Variants in APOC3 observed in about 807,000 individuals in gnomAD.
APOC3 encodes the protein apolipoprotein C-III.
APOC3 carries 6 observed loss-of-function variants against 7.3 expected under a neutral mutation model. That is an observed-to-expected ratio of 0.82 (90% CI 0.45 to 1.61). The LOEUF is 1.61. APOC3 is among the 40% of genes most tolerant of loss of function. The pLI is 0.01. For missense variants in APOC3, 123 were observed against 124.9 expected, an observed-to-expected ratio of 0.98 and a Z score of 0.07; for synonymous variants, 45 against 51.2, an observed-to-expected ratio of 0.88 and a Z score of 0.52.
rs1181681815 is a variant in APOC3 at position 116,831,211 on chromosome 11, T to TTC, written c.179+317_179+318dup. 4.6e-3 allele frequency: 592 copies of TTC among 129,620 alleles called. 15 individuals are homozygous for TTC. Among genetic ancestry groups the TTC allele is most frequent in the African/African-American group, 0.023 (557 of 24,354 alleles). The allele number at this position is 129,620 out of a possible 1,614,324, so 8.0% of individuals were successfully genotyped here. ...TCTATTTCTTTCTTTCTTTCTTTCT[T>TTC]TCTTTCTTTCTTTCTTTCTTTCTTT... On this transcript the variant is annotated intron_variant, in intron 3 of 3. Coordinates refer to ENST00000227667, the MANE Select transcript of APOC3 (RefSeq NM_000040.3).
chr11:116,830,422 T>C, intron 1 of APOC3, 148 bp from the exon 2 acceptor site: 2 of 807,206 alleles, frequency 2.5e-6, no homozygotes, highest in Non-Finnish European at 4.1e-6. Context: ...CAGTCCCCCT[T>C]CTGAGAGCCC....
At chr11:116,831,277 TTC>T (rs1941454759) in intron 3 of APOC3, among the ~76,000 whole-genome samples, 1 of 25,740 alleles carries the variant, frequency 3.9e-5, no homozygotes, top group Non-Finnish European at 1.1e-4. Flanking sequence ...TTTCCTTTCT[TTC>T]TTTCCTTTCT....
chr11:116,831,214 TTTCTTTCTTTCTTTCTTTCTTTC>T, intron 3 of APOC3: 1 of 155,818 alleles, frequency 6.4e-6, no homozygotes, highest in Non-Finnish European at 1.2e-5. Context: ...TCTTTCTTTC[TTTCTTTCTTTCTTTCTTTCTTTC>T]TTTCTTTCTT....
chr11:116,831,193 CTT>C (rs1565336374), intron 3 of APOC3: 4,580 of 28,540 alleles, frequency 0.16, 458 homozygotes, highest in African/African-American at 0.27. Context: ...CTTTCTATTT[CTT>C]TCTTTCTTTC....
chr11:116,832,683 TG>T, intron 3 of APOC3, 80 bp from the exon 4 acceptor site: 1 of 1,603,904 alleles, frequency 6.2e-7, no homozygotes, highest in East Asian at 2.2e-5. Context: ...TGTCGTCCAG[TG>T]GGGACATGGG....
chr11:116,831,684 G>T (rs556290847), intron 3 of APOC3, among the ~76,000 whole-genome samples: 1 of 152,168 alleles, frequency 6.6e-6, no homozygotes. Flanking sequence ...TTTTCTGAAG[G>T]TCTGGCTAGA....
At chr11:116,832,485 C>T (rs1941473146) in intron 3 of APOC3, among the ~76,000 whole-genome samples, 1 of 152,238 alleles carries the variant, frequency 6.6e-6, no homozygotes, top group Non-Finnish European at 1.5e-5. Context: ...TCTCCCCACC[C>T]TGTCACTTTG....
chr11:116,832,457 C>T (rs978680375), intron 3 of APOC3, among the ~76,000 whole-genome samples: 2 of 152,254 alleles, frequency 1.3e-5, no homozygotes, highest in Non-Finnish European at 2.9e-5. Context: ...AAAACAATGA[C>T]AGCCTTGACC....
intron 1 of APOC3, 36 bp from the exon 2 acceptor site, chr11:116,830,534 G>T (rs775599308): frequency 6.2e-7 from 1 of 1,611,784 alleles, no homozygotes; most frequent in Non-Finnish European, 8.5e-7. Flanking sequence ...GAGGCATGGG[G>T]ACCTGGGGTG....
At chr11:116,831,203 T>A (rs1428659328) in intron 3 of APOC3, 1 of 98,690 alleles carries the variant, frequency 1.0e-5, no homozygotes, top group African/African-American at 5.2e-5. Flanking sequence ...CTTTCTTTCT[T>A]TCTTTCTTTC....
Position 116,833,000 on chromosome 11 carries a change from T to C in APOC3, c.*116T>C, listed in dbSNP as rs1267319833. 2.1e-6 allele frequency: 3 copies of C among 1,434,516 alleles called. No individual in the cohort carries two copies. The African/African-American group carries it at 4.2e-5, about 20-fold the overall frequency. 88.9% of individuals were successfully genotyped at this position (1,434,516 alleles called of 1,614,324 possible). A position where few individuals can be genotyped will look rare whatever the true frequency, so the allele number is the denominator to read the frequency against. On this transcript the variant is annotated 3_prime_UTR_variant, in exon 4 of 4. Coordinates refer to ENST00000227667, the MANE Select transcript of APOC3 (RefSeq NM_000040.3). The stretch of plus-strand genomic sequence containing the variant: ...AGGGACAGTATTCTCAGTGCTCTCC[T>C]ACCCCACCTCATGCCTGGCCCCCCT...
At chr11:116,831,685 T>C (rs1941463127) in intron 3 of APOC3, among the ~76,000 whole-genome samples, 1 of 152,308 alleles carries the variant, frequency 6.6e-6, no homozygotes, top group East Asian at 1.9e-4. Context: ...TTTCTGAAGG[T>C]CTGGCTAGAG....
At chr11:116,830,014 C>T (rs1941428909) in intron 1 of APOC3, 74 bp downstream of exon 1, 1 of 171,958 alleles carries the variant, frequency 5.8e-6, no homozygotes, top group Non-Finnish European at 1.3e-5. Context: ...CTGCCCAGCC[C>T]AGCCAGCAAG....
chr11:116,831,008 G>C, intron 3 of APOC3, 112 bp downstream of exon 3: 1 of 1,320,150 alleles, frequency 7.6e-7, no homozygotes. Flanking sequence ...GCCTCCCCTG[G>C]GCCTGTGCCT....
chr11:116,831,307 TTCTC>T (rs1565336625), intron 3 of APOC3, among the ~76,000 whole-genome samples: 2 of 129,754 alleles, frequency 1.5e-5, no homozygotes, highest in African/African-American at 4.3e-5. Context: ...TTTCCTTTCT[TTCTC>T]TTTCTTTCTT....
At position 116,832,260 on chromosome 11, in the gene APOC3, TG is replaced by T. The variant is rs12721088; in HGVS notation, c.180-500del. ...CATTCTTAGTCCCCAGAACCGGCTT[TG>T]GGGTAGGTGTTATTTTCTCACTTTG... On this transcript the variant is annotated intron_variant, in intron 3 of 3. Coordinates refer to ENST00000227667, the MANE Select transcript of APOC3 (RefSeq NM_000040.3). Among the ~76,000 whole-genome samples, 1,482 of 152,252 alleles carry T rather than the reference TG, an allele frequency of 9.7e-3. 22 individuals carry two copies. The highest frequency in any genetic ancestry group is 0.034 in the African/African-American group (1,422 of 41,524).
intron 3 of APOC3, among the ~76,000 whole-genome samples, chr11:116,831,298 TTCCTTTCTTTC>T (rs1324565003): frequency 0.018 from 2,410 of 136,794 alleles, 259 homozygotes; most frequent in African/African-American, 0.073. Context: ...CTTTCTTTCT[TTCCTTTCTTTC>T]TCTTTCTTTC....
In APOC3 at chr11:116,832,952, G is replaced by A. The variant is rs1377177486; in HGVS notation, c.*68G>A. Reference sequence around the variant, plus strand: ...CTCCTTGGGTCCTGCAATCTCCAGGGCTGCCCCTGTAGGTTGCTTAAAAGG... The same window carrying A: ...CTCCTTGGGTCCTGCAATCTCCAGGACTGCCCCTGTAGGTTGCTTAAAAGG... On this transcript the variant is annotated 3_prime_UTR_variant, in exon 4 of 4. Transcript: ENST00000227667. 2.5e-6 allele frequency: 4 copies of A among 1,609,940 alleles called. No individual in the cohort carries two copies. Among genetic ancestry groups the A allele is most frequent in the Admixed American group, 1.7e-5 (1 of 59,978 alleles).
chr11:116,830,347 A>T, intron 1 of APOC3: 1 of 609,218 alleles, frequency 1.6e-6, no homozygotes, highest in Non-Finnish European at 2.9e-6. Flanking sequence ...CTTGATGTTC[A>T]GTCTGGTGGG....
Sources: allele counts gnomAD v4.1 joint callset (sites outside exome capture counted in the v4.1 genomes callset), GRCh38; gene constraint gnomAD v4.1.1; transcripts MANE v1.5; gene names NCBI Gene and HGNC (gene_info 2026-07-23, HGNC 2026-07-21).